The following MYO16 variants were observed in gnomAD, a reference collection of about 807,000 sequenced individuals.
The protein encoded by MYO16 is unconventional myosin-XVI.
In MYO16, 94 loss-of-function variants were observed where a neutral mutation model predicts 205.3. The ratio of observed to expected loss-of-function variants is 0.46; its 90% confidence interval spans 0.39 to 0.54. The LOEUF (loss-of-function observed/expected upper bound fraction) is 0.54, where lower values mean the gene tolerates loss of function less well. Among genes scored for constraint, MYO16 ranks in the 20% least tolerant of loss-of-function variants. The pLI is 0.00. For missense variants in MYO16, 2,315 were observed against 2,387.5 expected, an observed-to-expected ratio of 0.97 and a Z score of 0.63; for synonymous variants, 988 against 954.0, an observed-to-expected ratio of 1.04 and a Z score of -0.66.
At chr13:108,720,985 C>T (rs1158567978) in intron 3 of MYO16, among the ~76,000 whole-genome samples, 1 of 151,864 alleles carries the variant, frequency 6.6e-6, no homozygotes, top group Non-Finnish European at 1.5e-5. Flanking sequence ...CCCCTTACAC[C>T]AAGACAGCAG....
chr13:109,193,840 T>A (rs1221113429), intron 34 of MYO16, among the ~76,000 whole-genome samples: 1 of 152,176 alleles, frequency 6.6e-6, no homozygotes, highest in African/African-American at 2.4e-5. Context: ...TCACAGAGCT[T>A]TTCTCTCTCT....
At position 109,207,709 on chromosome 13, in the gene MYO16, A is replaced by T. The variant is rs1880662095; in HGVS notation, c.*873A>T. 6.6e-6 allele frequency: 1 copy of T among 152,248 alleles called. No homozygotes were observed. The highest frequency in any genetic ancestry group is 1.5e-5 in the Non-Finnish European group (1 of 68,066). The allele number at this position is 152,248 out of a possible 1,614,324, so 9.4% of individuals were successfully genotyped here. On this transcript the variant is annotated 3_prime_UTR_variant, in exon 35 of 35. Transcript: ENST00000457511. The stretch of plus-strand genomic sequence containing the variant: ...CCATAGCCGGTGGTGTAAAATGATC[A>T]TATTCATTCAAAGGCCTACACAGTA...
intron 33 of MYO16, among the ~76,000 whole-genome samples, chr13:109,174,458 T>G (rs1879070861): frequency 1.3e-5 from 2 of 152,088 alleles, no homozygotes; most frequent in Non-Finnish European, 2.9e-5. Context: ...TGCCAAAGTT[T>G]GAGAAATTTA....
At chr13:109,118,536 A>G (rs1875835046) in intron 28 of MYO16, among the ~76,000 whole-genome samples, 1 of 152,182 alleles carries the variant, frequency 6.6e-6, no homozygotes, top group South Asian at 2.1e-4. Flanking sequence ...TATTGATCCC[A>G]TCCATTGTGG....
intron 2 of MYO16, among the ~76,000 whole-genome samples, chr13:108,697,031 A>G (rs561481663): frequency 1.3e-5 from 2 of 151,892 alleles, no homozygotes; most frequent in Non-Finnish European, 2.9e-5. Flanking sequence ...GAATCAGTTG[A>G]CACAAAGCAT....
chr13:108,825,489 C>T (rs1184511997), intron 9 of MYO16, among the ~76,000 whole-genome samples: 2 of 151,712 alleles, frequency 1.3e-5, no homozygotes, highest in Non-Finnish European at 2.9e-5. Context: ...ATCAGTTACC[C>T]CATAAGATGA....
chr13:109,199,212 A>G (rs1178451150), intron 34 of MYO16, among the ~76,000 whole-genome samples: 2 of 79,416 alleles, frequency 2.5e-5, no homozygotes, highest in Non-Finnish European at 2.6e-5. Flanking sequence ...ATATATATAT[A>G]TATATATATA....
chr13:109,181,143 G>C (rs987095941), intron 34 of MYO16, among the ~76,000 whole-genome samples: 3 of 152,238 alleles, frequency 2.0e-5, no homozygotes, highest in Non-Finnish European at 2.9e-5. Context: ...AGATGAGAAA[G>C]GTCATCGGGA....
intron 27 of MYO16, among the ~76,000 whole-genome samples, chr13:109,057,846 T>C (rs980419517): frequency 6.6e-6 from 1 of 152,168 alleles, no homozygotes; most frequent in Admixed American, 6.6e-5. Flanking sequence ...CCAGAGATGA[T>C]TCAATATGAA....
chr13:108,615,787 G>A (rs1879330524), intron 1 of MYO16, among the ~76,000 whole-genome samples: 1 of 152,120 alleles, frequency 6.6e-6, no homozygotes, highest in East Asian at 1.9e-4. Context: ...ATTTCCAGAG[G>A]CCTTCAGATT....
chr13:108,895,206 A>G (rs1880356021), intron 14 of MYO16, among the ~76,000 whole-genome samples: 1 of 143,788 alleles, frequency 7.0e-6, no homozygotes, highest in Admixed American at 7.1e-5. Context: ...TACATTATAA[A>G]TACAAAAAAA....
At chr13:108,993,008 T>C (rs546071784) in intron 21 of MYO16, among the ~76,000 whole-genome samples, 27 of 152,240 alleles carry the variant, frequency 1.8e-4, no homozygotes, top group African/African-American at 6.5e-4. Context: ...TAAGTATACC[T>C]AAAAACTAAG....
chr13:108,568,515 C>G, the MYO16 span, among the ~76,000 whole-genome samples: 441 of 152,040 alleles, frequency 2.9e-3, 2 homozygotes, highest in African/African-American at 9.4e-3. Context: ...ACCCAAATTC[C>G]TTGACCATTA....
intron 20 of MYO16, among the ~76,000 whole-genome samples, chr13:108,980,605 G>A (rs182107425): frequency 3.2e-4 from 48 of 152,222 alleles, no homozygotes; most frequent in African/African-American, 1.1e-3. Context: ...GTTAAATATC[G>A]TTTGCCTTTT....
At chr13:109,052,017 G>T (rs887219459) in intron 24 of MYO16, among the ~76,000 whole-genome samples, 1 of 152,146 alleles carries the variant, frequency 6.6e-6, no homozygotes, top group African/African-American at 2.4e-5. Context: ...GTAAGATTTG[G>T]TTCTGAAAAC....
At chr13:109,107,399 G>A (rs1031821039) in intron 28 of MYO16, among the ~76,000 whole-genome samples, 2 of 152,130 alleles carry the variant, frequency 1.3e-5, no homozygotes, top group African/African-American at 4.8e-5. Context: ...GCCAAGAACT[G>A]CAACATTAAC....
the MYO16 span, among the ~76,000 whole-genome samples, chr13:108,534,914 C>T: frequency 6.7e-6 from 1 of 148,416 alleles, no homozygotes; most frequent in Non-Finnish European, 1.5e-5. Context: ...TTCTTCTTCT[C>T]CTTCCTCTCT....
At chr13:108,508,552 A>G in the MYO16 span, among the ~76,000 whole-genome samples, 1 of 152,154 alleles carries the variant, frequency 6.6e-6, no homozygotes, top group Non-Finnish European at 1.5e-5. Flanking sequence ...TCAGTATTCT[A>G]AATCAGGTTG....
chr13:108,659,375 T>A (rs1232763287), intron 1 of MYO16: 4 of 434,890 alleles, frequency 9.2e-6, no homozygotes, highest in Non-Finnish European at 4.6e-6. Flanking sequence ...TATAGATATA[T>A]AACTAGATGT....
Sources: allele counts gnomAD v4.1 joint callset (sites outside exome capture counted in the v4.1 genomes callset), GRCh38; gene constraint gnomAD v4.1.1; transcripts MANE v1.5; gene names NCBI Gene and HGNC (gene_info 2026-07-23, HGNC 2026-07-21).